The following LGALS3 variants were observed in gnomAD, a reference collection of about 807,000 sequenced individuals.
LGALS3 encodes galectin 3, also known as galectin-3.
A neutral mutation model predicts 20.7 loss-of-function variants in LGALS3; 18 were observed. That is an observed-to-expected ratio of 0.87 (90% CI 0.60 to 1.29). The LOEUF is 1.29. Among genes scored for constraint, LGALS3 ranks in the 50% most tolerant of loss-of-function variants. The pLI, the probability that LGALS3 is intolerant of heterozygous loss-of-function variation, is 0.00. For missense variants in LGALS3, 315 were observed against 314.7 expected (o/e 1.00, Z -0.01); for synonymous variants, 112 against 119.6 (o/e 0.94, Z 0.42).
Position 55,145,298 on chromosome 14 carries a change from AAAAG to A in LGALS3, c.*30_*33del, listed in dbSNP as rs755126672. On this transcript the variant is annotated 3_prime_UTR_variant, in exon 6 of 6. Transcript: ENST00000254301. Reference sequence around the variant, plus strand: ...CTGAAAGGGGCAGATTAAAAAAAAAAAAAGAATCTAAACCTTACATGTGTAAAGG... The same window carrying A: ...CTGAAAGGGGCAGATTAAAAAAAAAAAATCTAAACCTTACATGTGTAAAGG... The A allele has an allele frequency of 6.2e-6, 10 of 1,609,792 alleles. No homozygotes were observed. In the East Asian group the frequency reaches 8.9e-5, roughly 14 times the overall value.
intron 2 of LGALS3, chr14:55,137,692 G>T: frequency 7.2e-7 from 1 of 1,397,926 alleles, no homozygotes; most frequent in Non-Finnish European, 9.3e-7. Flanking sequence ...AGCGGGAAGT[G>T]CGGTACAGTC....
intron 1 of LGALS3, 148 bp from the exon 2 acceptor site, chr14:55,137,222 A>G (rs1881425374): frequency 1.2e-6 from 1 of 806,574 alleles, no homozygotes; most frequent in East Asian, 2.4e-5. Context: ...CTGCCCCTTG[A>G]AGAGATGTTT....
In LGALS3 at chr14:55,129,627, C is replaced by T. The variant is rs1881167305; in HGVS notation, c.-5+327C>T. On this transcript the variant is annotated intron_variant, in intron 1 of 5. Transcript: ENST00000254301. The surrounding 1 kb of genome is among the most constrained non-coding windows in gnomAD (Gnocchi z 5.3). ...CTTCGCCGCCGTCGCACCTCCGCCG[C>T]CTGCGCTCTGCGGCCCCAGAGTAAG... Among the ~76,000 whole-genome samples, 1 of 152,246 alleles carries T rather than the reference C, an allele frequency of 6.6e-6. No individual in the cohort carries two copies. The highest frequency in any genetic ancestry group is 6.5e-5 in the Admixed American group (1 of 15,290).
At chr14:55,136,063 C>T (rs570368213) in intron 1 of LGALS3, among the ~76,000 whole-genome samples, 118 of 152,250 alleles carry the variant, frequency 7.8e-4, no homozygotes, top group African/African-American at 2.7e-3. Context: ...CCTCAGGGGC[C>T]CAGCTGCCCT....
At chr14:55,138,017 C>T in intron 2 of LGALS3, 28 bp from the exon 3 acceptor site, 2 of 1,479,532 alleles carry the variant, frequency 1.4e-6, no homozygotes, top group East Asian at 4.7e-5. Flanking sequence ...GCTTTCTGTC[C>T]CGTAATTGTG....
chr14:55,142,650 C>T lies in LGALS3; in HGVS notation c.498C>T (p.Asn166=), dbSNP rs201301078. ...ACTTTAACCCACGCTTCAATGAGAA[C>T]AACAGGAGAGTCATTGTTTGCAATA... The part of the protein sequence containing the change: ...AFHFNPRFNE[N]NRRVIVCNTK... The change falls in exon 5 of 6, where the codon AAC becomes AAT. Residue 166 remains asparagine (N), a synonymous_variant. Coordinates refer to ENST00000254301, the MANE Select transcript of LGALS3 (RefSeq NM_002306.4). 3.4e-5 allele frequency: 55 copies of T among 1,612,372 alleles called. No individual in the cohort carries two copies. In the African/African-American group the frequency reaches 6.9e-4, roughly 20 times the overall value.
rs1881160111 is a variant in LGALS3, at chr14:55,129,386, GGGTTCGGCTCCCCGGGACC to G, written c.-5+89_-5+107del. 1 of 152,130 alleles carries G rather than the reference GGGTTCGGCTCCCCGGGACC, an allele frequency of 6.6e-6. No individual in the cohort carries two copies. The highest frequency in any genetic ancestry group is 1.5e-5 in the Non-Finnish European group (1 of 68,094). 9.4% of individuals were successfully genotyped at this position (152,130 alleles called of 1,614,324 possible). On this transcript the variant is annotated intron_variant, in intron 1 of 5. Transcript: ENST00000254301. The surrounding 1 kb of genome is among the most constrained non-coding windows in gnomAD (Gnocchi z 5.3). ...CGCTGCTTGGGGCGCGGTCCGGAGA[GGGTTCGGCTCCCCGGGACC>G]GGGCCGGGGCGCGCGCGGAGAGCCC...
intron 5 of LGALS3, 44 bp from the exon 6 acceptor site, chr14:55,145,072 A>G (rs1881765707): frequency 1.3e-6 from 2 of 1,501,552 alleles, no homozygotes; most frequent in African/African-American, 1.4e-5. Context: ...TCCAGCTGAC[A>G]TATGCATTAC....
chr14:55,143,841 T>TA (rs1318004980), intron 5 of LGALS3: 2 of 152,198 alleles, frequency 1.3e-5, no homozygotes, highest in Non-Finnish European at 2.9e-5. Flanking sequence ...TAACTATCCT[T>TA]ACAAATCTTT....
chr14:55,129,252 G>T lies in LGALS3; in HGVS notation c.-53G>T, dbSNP rs985202321. ...GGCTCGGAGCCACCGCCCCGCCGGC[G>T]CCCGCAGCACCTCCTCGCCAGCAGC... On this transcript the variant is annotated 5_prime_UTR_variant, in exon 1 of 6. Transcript: ENST00000254301. The surrounding 1 kb of genome is among the most constrained non-coding windows in gnomAD (Gnocchi z 5.3). The T allele has an allele frequency of 5.9e-5, 9 of 151,982 alleles. No homozygotes were observed. The highest frequency in any genetic ancestry group is 2.2e-4 in the African/African-American group (9 of 41,492). The allele number at this position is 151,982 out of a possible 1,614,324, so 9.4% of individuals were successfully genotyped here.
rs763807324 is a variant in LGALS3 at position 55,138,215 on chromosome 14, C to T, written c.189C>T (p.Tyr63=). The change falls in exon 3 of 6, where the codon TAC becomes TAT. Residue 63 remains tyrosine (Y), a synonymous_variant. Coordinates refer to ENST00000254301, the MANE Select transcript of LGALS3 (RefSeq NM_002306.4). ...AYPGQAPPGA[Y]PGAPGAYPGA... is the part of the protein sequence containing the mutation. ...CTGGACAGGCACCTCCAGGCGCCTA[C>T]CCTGGAGCACCTGGAGCTTATCCCG... is the stretch of plus-strand genomic sequence containing the variant. The T allele has an allele frequency of 5.0e-6, 8 of 1,612,786 alleles. No individual in the cohort carries two copies. Among genetic ancestry groups the T allele is most frequent in the Non-Finnish European group, 6.8e-6 (8 of 1,179,428 alleles).
intron 1 of LGALS3, among the ~76,000 whole-genome samples, chr14:55,134,521 A>G (rs1881322599): frequency 6.6e-6 from 1 of 152,230 alleles, no homozygotes; most frequent in Admixed American, 6.5e-5. Flanking sequence ...TTCGTATGGC[A>G]TCCAAAATGA....
intron 1 of LGALS3, among the ~76,000 whole-genome samples, chr14:55,135,619 CA>C (rs1881370903): frequency 7.5e-6 from 1 of 132,718 alleles, no homozygotes; most frequent in African/African-American, 3.0e-5. Flanking sequence ...GGCTGGAGTG[CA>C]GTGGTGCCAT....
intron 1 of LGALS3, among the ~76,000 whole-genome samples, chr14:55,132,222 C>T (rs1189179305): frequency 6.6e-6 from 1 of 152,184 alleles, no homozygotes; most frequent in Non-Finnish European, 1.5e-5. Flanking sequence ...TATTCTGAAG[C>T]TACACTGAAC....
intron 3 of LGALS3, among the ~76,000 whole-genome samples, chr14:55,139,953 C>T (rs962217983): frequency 2.6e-5 from 4 of 152,100 alleles, no homozygotes; most frequent in Admixed American, 6.5e-5. Flanking sequence ...CATGACAGGG[C>T]CTTAAGAGTG....
intron 1 of LGALS3, among the ~76,000 whole-genome samples, chr14:55,131,297 T>G (rs538189841): frequency 6.6e-6 from 1 of 152,220 alleles, no homozygotes; most frequent in Non-Finnish European, 1.5e-5. Context: ...GTCTTTAAAC[T>G]ATGATAGTTC....
intron 3 of LGALS3, 116 bp downstream of exon 3, chr14:55,138,484 G>A (rs2140293593): frequency 9.2e-7 from 1 of 1,082,752 alleles, no homozygotes; most frequent in Non-Finnish European, 1.4e-6. Context: ...GGTGTATGTT[G>A]GTAGAGTCAA....
In LGALS3 at chr14:55,138,190, C is replaced by G; in HGVS notation, c.164C>G (p.Pro55Arg). 6.2e-7 allele frequency: 1 copy of G among 1,612,514 alleles called. No individual in the cohort carries two copies. Among genetic ancestry groups the G allele is most frequent in the Non-Finnish European group, 8.5e-7 (1 of 1,179,220 alleles). The change falls in exon 3 of 6, where the codon CCT (proline) becomes CGT (arginine). Residue 55 changes from proline (P) to arginine (R), a missense_variant. Physicochemically the swap from Pro to Arg is moderately radical, Grantham distance 103. Coordinates refer to ENST00000254301, the MANE Select transcript of LGALS3 (RefSeq NM_002306.4). ...GGGCAGGCACCCCCAGGGGCTTATCCTGGACAGGCACCTCCAGGCGCCTAC... is the reference window on the plus strand; with the variant it reads ...GGGCAGGCACCCCCAGGGGCTTATCGTGGACAGGCACCTCCAGGCGCCTAC... Reference protein sequence around the residue: ...YPGQAPPGAYPGQAPPGAYPG... With the variant: ...YPGQAPPGAYRGQAPPGAYPG...
intron 1 of LGALS3, among the ~76,000 whole-genome samples, chr14:55,130,012 C>G (rs1477814417): frequency 6.6e-6 from 1 of 152,212 alleles, no homozygotes; most frequent in African/African-American, 2.4e-5. Flanking sequence ...TGGTGCTTGC[C>G]CCATGGCCTG....
Sources: gnomAD v4.1 joint callset for allele counts (sites outside exome capture counted in the v4.1 genomes callset) on GRCh38, gnomAD v4.1.1 for gene constraint, Gnocchi (gnomAD v3.1) non-coding constraint, MANE v1.5 for transcripts, NCBI Gene and HGNC (gene_info 2026-07-23, HGNC 2026-07-21) for gene names.